The following SRRD variants were observed in gnomAD, a reference collection of about 807,000 sequenced individuals.
SRRD encodes the protein SRR1-like protein.
A neutral mutation model predicts 30.7 loss-of-function variants in SRRD; 28 were observed. The observed-to-expected ratio is 0.91, with a 90% confidence interval of 0.68 to 1.25. The LOEUF is 1.25. Ranked by LOEUF, SRRD falls within the 50% of genes most tolerant of loss-of-function variation. SRRD has a pLI of 0.00. For missense variants in SRRD, 415 were observed against 417.3 expected (o/e 0.99, Z 0.05); for synonymous variants, 161 against 159.6 (o/e 1.01, Z -0.07).
rs2091619177 is a variant in SRRD, at chr22:26,484,009, C to CGCCCCGGG, written c.121_128dup (p.Arg44ProfsTer43). On this transcript the variant is annotated frameshift_variant, in exon 1 of 7. Transcript: ENST00000215917. LOFTEE classifies it high-confidence loss of function. ...GCGGCGCCCCGGGGGAGAGAGGCGG[C>CGCCCCGGG]GCCCCGGGGGAGAGAGGCGGCGCCC... 1 of 1,340,616 alleles carries CGCCCCGGG rather than the reference C, an allele frequency of 7.5e-7. No homozygotes were observed. Among genetic ancestry groups the CGCCCCGGG allele is most frequent in the Non-Finnish European group, 9.5e-7 (1 of 1,048,288 alleles). 83.0% of individuals were successfully genotyped at this position (1,340,616 alleles called of 1,614,324 possible).
Position 26,492,380 on chromosome 22 carries a change from G to C in SRRD, c.*708G>C, listed in dbSNP as rs746394406. 6.2e-7 allele frequency: 1 copy of C among 1,613,260 alleles called. No homozygotes were observed. The highest frequency in any genetic ancestry group is 8.5e-7 in the Non-Finnish European group (1 of 1,179,280). On this transcript the variant is annotated 3_prime_UTR_variant, in exon 7 of 7. Coordinates refer to ENST00000215917, the MANE Select transcript of SRRD (RefSeq NM_001013694.3). ...CTGCATGTAGGCACCTAAGATACAG[G>C]AGGACAGGGCGGTGAGGAGAGGTGT...
chr22:26,483,948 A>G lies in SRRD; in HGVS notation c.58A>G (p.Arg20Gly). ...CTGGCAGGCGGCGGCTCCGCGGAAG[A>G]GGCGCTCCGCGGCTCGACGGCCGCG... is the stretch of plus-strand genomic sequence containing the variant. ...ESWQAAAPRK[R>G]RSAARRPRRR... The change falls in exon 1 of 7, where the codon AGG becomes GGG. Residue 20 changes from arginine (R) to glycine (G), a missense_variant. By Grantham distance (125) the Arg-to-Gly change is moderately radical (BLOSUM62 -2). Coordinates refer to ENST00000215917, the MANE Select transcript of SRRD (RefSeq NM_001013694.3). 1 of 1,359,674 alleles carries G rather than the reference A, an allele frequency of 7.4e-7. No individual in the cohort carries two copies. The highest frequency in any genetic ancestry group is 9.4e-7 in the Non-Finnish European group (1 of 1,067,468). The allele number at this position is 1,359,674 out of a possible 1,614,324, so 84.2% of individuals were successfully genotyped here.
intron 4 of SRRD, among the ~76,000 whole-genome samples, chr22:26,488,971 G>A (rs959162006): frequency 1.3e-5 from 2 of 152,276 alleles, no homozygotes. Flanking sequence ...CAAAATAGCT[G>A]GGATTTGACA....
intron 2 of SRRD, 92 bp downstream of exon 2, chr22:26,486,155 T>G (rs2091707189): frequency 5.9e-6 from 9 of 1,530,788 alleles, no homozygotes; most frequent in Middle Eastern, 3.4e-4. Flanking sequence ...AGGGATAACT[T>G]GCTGGGTTCT....
chr22:26,484,119 T>A lies in SRRD; in HGVS notation c.209+20T>A. On this transcript the variant is annotated intron_variant, in intron 1 of 6. Transcript: ENST00000215917. ...GGCTGAGTGAGTGCAGGCTCGGCCC[T>A]GATGGAATCTTTGCGCCCATGGGCA... 6.6e-7 allele frequency: 1 copy of A among 1,522,836 alleles called. No individual in the cohort carries two copies. Among genetic ancestry groups the A allele is most frequent in the African/African-American group, 1.4e-5 (1 of 71,638 alleles). The allele number at this position is 1,522,836 out of a possible 1,614,324, so 94.3% of individuals were successfully genotyped here. A position where few individuals can be genotyped will look rare whatever the true frequency, so the allele number is the denominator to read the frequency against.
At chr22:26,486,891 C>A (rs943823177) in intron 2 of SRRD, among the ~76,000 whole-genome samples, 27 of 128,080 alleles carry the variant, frequency 2.1e-4, no homozygotes, top group Admixed American at 1.5e-3. Context: ...GGCTTGGGGT[C>A]TTGTTTAAAG....
chr22:26,494,054 C>T lies in SRRD; in HGVS notation c.*2382C>T, dbSNP rs1388635719. On this transcript the variant is annotated 3_prime_UTR_variant, in exon 7 of 7. Coordinates refer to ENST00000215917, the MANE Select transcript of SRRD (RefSeq NM_001013694.3). ...CTAAGGTTTAGGCTGCCTACAGGAA[C>T]CAGAAAACTCTGATTCTGTGTCATT... is the stretch of plus-strand genomic sequence containing the variant. 2 of 1,505,420 alleles carry T rather than the reference C, an allele frequency of 1.3e-6. No individual in the cohort carries two copies. Among genetic ancestry groups the T allele is most frequent in the Non-Finnish European group, 1.8e-6 (2 of 1,102,934 alleles). 93.3% of individuals were successfully genotyped at this position (1,505,420 alleles called of 1,614,324 possible).
At chr22:26,490,559 C>CTTTTTTTTTTTTTTTTTCTTTTTTT (rs1921032591) in intron 5 of SRRD, among the ~76,000 whole-genome samples, 1 of 51,834 alleles carries the variant, frequency 1.9e-5, no homozygotes, top group Non-Finnish European at 3.4e-5. Flanking sequence ...GGAATATTTG[C>CTTTTTTTTTTTTTTTTTCTTTTTTT]TTTTTTTTTT....
rs1286228960 is a variant in SRRD at position 26,483,988 on chromosome 22, C to CTCGACG, written c.98_99insTCGACG (p.Ala33_Pro34insArgArg). The CTCGACG allele has an allele frequency of 0.01, 445 of 44,180 alleles. No individual in the cohort carries two copies. Among genetic ancestry groups the CTCGACG allele is most frequent in the Non-Finnish European group, 0.013 (399 of 30,674 alleles). The allele number at this position is 44,180 out of a possible 1,614,324, so 2.7% of individuals were successfully genotyped here. On this transcript the variant is annotated inframe_insertion, in exon 1 of 7. Transcript: ENST00000215917. The stretch of plus-strand genomic sequence containing the variant: ...CGACGGCCGCGGCGGAGGGAGGCGG[C>CTCGACG]GCCCCGGGGGAGAGAGGCGGCGCCC...
chr22:26,490,239 G>A, intron 5 of SRRD, 41 bp downstream of exon 5: 1 of 1,607,000 alleles, frequency 6.2e-7, no homozygotes, highest in Non-Finnish European at 8.5e-7. Flanking sequence ...GCCCTGAGGT[G>A]AAGCCCATAC....
chr22:26,484,567 G>A (rs2091652585), intron 1 of SRRD, among the ~76,000 whole-genome samples: 1 of 152,228 alleles, frequency 6.6e-6, no homozygotes, highest in African/African-American at 2.4e-5. Flanking sequence ...CCTGACATTA[G>A]CTTAATCATT....
In SRRD at chr22:26,491,692, G is replaced by T; in HGVS notation, c.*20G>T. 6.2e-7 allele frequency: 1 copy of T among 1,601,526 alleles called. No individual in the cohort carries two copies. The highest frequency in any genetic ancestry group is 8.5e-7 in the Non-Finnish European group (1 of 1,176,876). ...GACTGAACTCGTTGTGAGGTACTCAGTGTTGGCTGAGGTAGAAGCTGCCAC... is the reference window on the plus strand; with the variant it reads ...GACTGAACTCGTTGTGAGGTACTCATTGTTGGCTGAGGTAGAAGCTGCCAC... On this transcript the variant is annotated 3_prime_UTR_variant, in exon 7 of 7. Coordinates refer to ENST00000215917, the MANE Select transcript of SRRD (RefSeq NM_001013694.3).
chr22:26,484,068 G>A lies in SRRD; in HGVS notation c.178G>A (p.Gly60Arg), dbSNP rs2091629029. 17 of 1,489,942 alleles carry A rather than the reference G, an allele frequency of 1.1e-5. No homozygotes were observed. Among genetic ancestry groups the A allele is most frequent in the Non-Finnish European group, 1.4e-5 (16 of 1,126,472 alleles). 92.3% of individuals were successfully genotyped at this position (1,489,942 alleles called of 1,614,324 possible). Residue 60 changes from glycine to arginine, a missense_variant, in exon 1 of 7, where the codon GGA becomes AGA. Physicochemically the swap from Gly to Arg is moderately radical, Grantham distance 125. Coordinates refer to ENST00000215917, the MANE Select transcript of SRRD (RefSeq NM_001013694.3). ...GPEAEFESDS[G>R]VVLRRIWEAE... ...CGAGGCGGAGTTCGAGTCTGACAGCGGAGTCGTGCTTCGTCGCATCTGGGA... is the reference window on the plus strand; with the variant it reads ...CGAGGCGGAGTTCGAGTCTGACAGCAGAGTCGTGCTTCGTCGCATCTGGGA...
In SRRD at chr22:26,492,065, T is replaced by A. The variant is rs1921262482; in HGVS notation, c.*393T>A. 6.2e-7 allele frequency: 1 copy of A among 1,611,136 alleles called. No individual in the cohort carries two copies. The highest frequency in any genetic ancestry group is 2.2e-5 in the East Asian group (1 of 44,746). On this transcript the variant is annotated 3_prime_UTR_variant, in exon 7 of 7. Transcript: ENST00000215917. ...CAGTGAGGTGGGCACCCACGTCTTC[T>A]CGCCCTGGACAAAGACCACTCCCCG...
intron 5 of SRRD, among the ~76,000 whole-genome samples, chr22:26,490,433 T>TTGAAA (rs2147110727): frequency 6.6e-6 from 1 of 152,234 alleles, no homozygotes; most frequent in Non-Finnish European, 1.5e-5. Context: ...AGAAATGGTT[T>TTGAAA]TGAAAACAGG....
In SRRD at chr22:26,488,258, G is replaced by T; in HGVS notation, c.480G>T (p.Thr160=). Residue 160 remains threonine (T), a synonymous_variant, in exon 3 of 7, where the codon ACG becomes ACT. Coordinates refer to ENST00000215917, the MANE Select transcript of SRRD (RefSeq NM_001013694.3). ...GCATCGTAGCTAGAAACCAGCTAAC[G>T]TTTTTGCTGCTTTTGTTGGAAAAGT... The part of the protein sequence containing the change: ...ATCIVARNQL[T]FLLLLLEKCQ... 6.2e-7 allele frequency: 1 copy of T among 1,614,012 alleles called. No individual in the cohort carries two copies. Among genetic ancestry groups the T allele is most frequent in the Non-Finnish European group, 8.5e-7 (1 of 1,179,910 alleles).
In SRRD at chr22:26,491,038, A is replaced by T. The variant is rs1219971200; in HGVS notation, c.778A>T (p.Ile260Phe). The T allele has an allele frequency of 1.2e-6, 2 of 1,611,852 alleles. No individual in the cohort carries two copies. The highest frequency in any genetic ancestry group is 3.4e-5 in the Admixed American group (2 of 59,572). Residue 260 changes from isoleucine (I) to phenylalanine (F), a missense_variant, in exon 6 of 7, where the codon ATT becomes TTT. Coordinates refer to ENST00000215917, the MANE Select transcript of SRRD (RefSeq NM_001013694.3). ...KGLEERLLAR[I>F]LQKNYPYIAK... ...TTTAATTTCTAGGTTGTTGGCAAGG[A>T]TTCTGCAGAAAAATTATCCCTACAT...
At position 26,493,131 on chromosome 22, in the gene SRRD, G is replaced by A. The variant is rs963876099; in HGVS notation, c.*1459G>A. On this transcript the variant is annotated 3_prime_UTR_variant, in exon 7 of 7. Transcript: ENST00000215917. ...CAACCTCTGCCTCCCAGGTTTAAGC[G>A]ATTCTTCTGCCTCAGCCTCCTAAGT... is the stretch of plus-strand genomic sequence containing the variant. 4 of 151,748 alleles carry A rather than the reference G, an allele frequency of 2.6e-5. No individual in the cohort carries two copies. Among genetic ancestry groups the A allele is most frequent in the African/African-American group, 7.3e-5 (3 of 41,272 alleles). The allele number at this position is 151,748 out of a possible 1,614,324, so 9.4% of individuals were successfully genotyped here.
At chr22:26,489,976 C>T (rs1920990083) in intron 4 of SRRD, 68 bp from the exon 5 acceptor site, 1 of 1,564,586 alleles carries the variant, frequency 6.4e-7, no homozygotes, top group African/African-American at 1.4e-5. Flanking sequence ...CCATCCTTAC[C>T]TCTCCCTCAC....
Sources: allele counts gnomAD v4.1 joint callset (sites outside exome capture counted in the v4.1 genomes callset), GRCh38; gene constraint gnomAD v4.1.1; transcripts MANE v1.5; gene names NCBI Gene and HGNC (gene_info 2026-07-23, HGNC 2026-07-21).